MIPOL1: variants seen among roughly 807,000 people sequenced by gnomAD.
MIPOL1 encodes the protein mirror-image polydactyly 1.
A neutral mutation model predicts 60.9 loss-of-function variants in MIPOL1; 57 were observed. The ratio of observed to expected loss-of-function variants is 0.94; its 90% CI spans 0.76 to 1.17. The LOEUF (loss-of-function observed/expected upper bound fraction) is 1.17, where lower values mean the gene tolerates loss of function less well. Among genes scored for constraint, MIPOL1 ranks in the 50% most tolerant of loss-of-function variants. MIPOL1 has a pLI of 0.00. For missense variants in MIPOL1, 551 were observed against 511.6 expected (o/e 1.08, Z -0.74); for synonymous variants, 179 against 168.8 (o/e 1.06, Z -0.47).
chr14:37,253,628 A>C (rs1176582330), intron 3 of MIPOL1, among the ~76,000 whole-genome samples: 1 of 151,792 alleles, frequency 6.6e-6, no homozygotes, highest in African/African-American at 2.4e-5. Flanking sequence ...TGGAAGGTAC[A>C]TTCTACTGAG....
At chr14:37,446,334 C>G (rs1273198179) in intron 11 of MIPOL1, among the ~76,000 whole-genome samples, 19 of 152,172 alleles carry the variant, frequency 1.2e-4, no homozygotes, top group Admixed American at 1.2e-3. Context: ...TGCTCACCAT[C>G]ACTGGCCATC....
At chr14:37,454,184 G>C (rs1017380091) in intron 11 of MIPOL1, among the ~76,000 whole-genome samples, 15 of 152,132 alleles carry the variant, frequency 9.9e-5, no homozygotes, top group African/African-American at 3.6e-4. Context: ...TACTAGCTCT[G>C]CTCATGACCT....
chr14:37,287,873 C>A (rs1250458383), intron 7 of MIPOL1, among the ~76,000 whole-genome samples: 1 of 152,052 alleles, frequency 6.6e-6, no homozygotes, highest in African/African-American at 2.4e-5. Context: ...AAGCAATCTG[C>A]CTGCCTCAGC....
intron 10 of MIPOL1, among the ~76,000 whole-genome samples, chr14:37,382,768 A>C (rs2092958984): frequency 6.6e-6 from 1 of 151,924 alleles, no homozygotes; most frequent in Admixed American, 6.6e-5. Flanking sequence ...GTCTCTCATC[A>C]AATCCCCTTA....
At chr14:37,231,222 G>A (rs1970581810) in intron 1 of MIPOL1, among the ~76,000 whole-genome samples, 1 of 152,010 alleles carries the variant, frequency 6.6e-6, no homozygotes, top group Non-Finnish European at 1.5e-5. Context: ...GGAGTAATTA[G>A]GACTACAGGC....
chr14:37,429,826 C>T (rs2094028710), intron 11 of MIPOL1, among the ~76,000 whole-genome samples: 1 of 151,864 alleles, frequency 6.6e-6, no homozygotes, highest in Non-Finnish European at 1.5e-5. Context: ...CACTAGAATC[C>T]ATGGGGTTTT....
chr14:37,355,727 G>A (rs951813092), intron 9 of MIPOL1, among the ~76,000 whole-genome samples: 5 of 145,244 alleles, frequency 3.4e-5, no homozygotes, highest in South Asian at 2.4e-4. Flanking sequence ...CATTCTTCAT[G>A]TAGTTCTCGA....
intron 9 of MIPOL1, among the ~76,000 whole-genome samples, chr14:37,369,105 T>C (rs1010467743): frequency 9.2e-5 from 14 of 151,960 alleles, no homozygotes; most frequent in Non-Finnish European, 1.9e-4. Context: ...TTTTTATTTT[T>C]AAATATTAAT....
intron 11 of MIPOL1, among the ~76,000 whole-genome samples, chr14:37,462,483 T>C (rs949283265): frequency 2.0e-5 from 3 of 152,238 alleles, no homozygotes; most frequent in Non-Finnish European, 2.9e-5. Flanking sequence ...AAGCTACTTA[T>C]GCAAATTTCT....
chr14:37,284,529 G>A (rs909539009), intron 6 of MIPOL1, among the ~76,000 whole-genome samples: 2 of 151,942 alleles, frequency 1.3e-5, no homozygotes, highest in Non-Finnish European at 2.9e-5. Context: ...ATTTTTAGTA[G>A]AGACGGGGTT....
At chr14:37,384,158 G>A (rs184424774) in intron 10 of MIPOL1, among the ~76,000 whole-genome samples, 28 of 151,912 alleles carry the variant, frequency 1.8e-4, no homozygotes, top group African/African-American at 5.5e-4. Flanking sequence ...TCTTTACTTC[G>A]TTGGTTTGTC....
At chr14:37,429,038 A>T (rs1300890164) in intron 11 of MIPOL1, among the ~76,000 whole-genome samples, 2 of 152,240 alleles carry the variant, frequency 1.3e-5, no homozygotes, top group Non-Finnish European at 2.9e-5. Context: ...CCTGATTGCT[A>T]TAGCAAATGC....
chr14:37,213,857 G>A lies in MIPOL1; in HGVS notation c.-199+15753G>A, dbSNP rs142564015. ...TAGAAATAACATACAATGGTGCTTCGTTGTGGCTGGCAGCAGACTTTTCAG... is the reference window on the plus strand; with the variant it reads ...TAGAAATAACATACAATGGTGCTTCATTGTGGCTGGCAGCAGACTTTTCAG... On this transcript the variant is annotated intron_variant, in intron 1 of 12. Transcript: ENST00000684589. 2.2e-4 allele frequency among the ~76,000 whole-genome samples: 33 copies of A among 152,262 alleles called. No individual in the cohort carries two copies. The East Asian group carries it at 4.6e-3, about 21-fold the overall frequency.
At chr14:37,264,659 A>G (rs565773025) in intron 3 of MIPOL1, among the ~76,000 whole-genome samples, 3 of 151,912 alleles carry the variant, frequency 2.0e-5, no homozygotes, top group Admixed American at 2.0e-4. Flanking sequence ...TTATAGAAAG[A>G]ATGGTTAATA....
chr14:37,389,387 G>A (rs2093170378), intron 10 of MIPOL1, among the ~76,000 whole-genome samples: 1 of 152,036 alleles, frequency 6.6e-6, no homozygotes, highest in Non-Finnish European at 1.5e-5. Context: ...ACATGTATGT[G>A]TAGATAATAT....
chr14:37,342,141 C>A (rs2090616653), intron 9 of MIPOL1, among the ~76,000 whole-genome samples: 1 of 152,048 alleles, frequency 6.6e-6, no homozygotes, highest in African/African-American at 2.4e-5. Flanking sequence ...GCGGGTGAAT[C>A]ATCTGAGGTC....
intron 11 of MIPOL1, among the ~76,000 whole-genome samples, chr14:37,493,855 G>C (rs1017465452): frequency 6.6e-6 from 1 of 152,158 alleles, no homozygotes; most frequent in Non-Finnish European, 1.5e-5. Context: ...CTCTTTGGCT[G>C]TTATTTCATC....
At chr14:37,403,184 A>G (rs2093519363) in intron 10 of MIPOL1, among the ~76,000 whole-genome samples, 1 of 152,176 alleles carries the variant, frequency 6.6e-6, no homozygotes, top group African/African-American at 2.4e-5. Context: ...GAGATTTTCA[A>G]ACATAAATTC....
At chr14:37,312,036 C>G (rs2415392) in intron 9 of MIPOL1, among the ~76,000 whole-genome samples, 143,523 of 151,878 alleles carry the variant, frequency 0.94, 68,063 homozygotes, top group East Asian at 1. Flanking sequence ...GTTTGTTTTT[C>G]TCATGATTAA....
Sources: gnomAD v4.1 joint callset for allele counts (sites outside exome capture counted in the v4.1 genomes callset) on GRCh38, gnomAD v4.1.1 for gene constraint, MANE v1.5 for transcripts, NCBI Gene and HGNC (gene_info 2026-07-23, HGNC 2026-07-21) for gene names.